The following TRA2B variants were observed in gnomAD, a reference collection of about 807,000 sequenced individuals.
TRA2B encodes the protein transformer-2 protein homolog beta.
In TRA2B, 14 loss-of-function variants were observed where a neutral mutation model predicts 41.7. That is an observed-to-expected ratio of 0.34 (90% CI 0.22 to 0.53). The LOEUF (loss-of-function observed/expected upper bound fraction) is 0.53, where lower values mean the gene tolerates loss of function less well. Among genes scored for constraint, TRA2B ranks in the 20% least tolerant of loss-of-function variants. The pLI is 0.95. For missense variants in TRA2B, 167 were observed against 396.8 expected (o/e 0.42, Z 4.92); for synonymous variants, 130 against 128.8 (o/e 1.01, Z -0.06).
chr3:185,932,861 A>T (rs2150118779), intron 1 of TRA2B, among the ~76,000 whole-genome samples: 1 of 152,272 alleles, frequency 6.6e-6, no homozygotes, highest in South Asian at 2.1e-4. Flanking sequence ...AAAAAATGTA[A>T]GGCTTTGTTT....
chr3:185,935,357 T>A (rs1378352831), intron 1 of TRA2B: 3 of 985,276 alleles, frequency 3.0e-6, no homozygotes, highest in Non-Finnish European at 3.6e-6. Context: ...GGGGAAAAAA[T>A]AAATCCCACA....
At chr3:185,934,839 G>A (rs1578488370) in intron 1 of TRA2B, 5 of 985,422 alleles carry the variant, frequency 5.1e-6, no homozygotes, top group Non-Finnish European at 6.0e-6. Context: ...TAAAGATTAC[G>A]TGCCTATGTT....
At chr3:185,935,748 G>A in intron 1 of TRA2B, 1 of 985,426 alleles carries the variant, frequency 1.0e-6, no homozygotes. Flanking sequence ...TGCTTTGGAA[G>A]CCTAGACACG....
At chr3:185,918,274 G>A (rs1743579837) in intron 8 of TRA2B, 91 bp downstream of exon 8, 1 of 999,080 alleles carries the variant, frequency 1.0e-6, no homozygotes, top group Non-Finnish European at 1.5e-6. Flanking sequence ...GAAACTACCT[G>A]AAACCAATCC....
chr3:185,937,526 C>A, intron 1 of TRA2B: 1 of 1,030,244 alleles, frequency 9.7e-7, no homozygotes, highest in East Asian at 3.8e-5. Flanking sequence ...CTCCCCTCCC[C>A]CAACACCGCG....
rs893880534 is a variant in TRA2B at position 185,917,683 on chromosome 3, C to T, written c.*32G>A. On this transcript the variant is annotated 3_prime_UTR_variant, in exon 9 of 9. Coordinates refer to ENST00000453386, the MANE Select transcript of TRA2B (RefSeq NM_004593.3). The stretch of plus-strand genomic sequence containing the variant: ...ATATTGCCCACAAACAATATCCCAG[C>T]TCTAGGGCAGGTTTCAGAAAGTCTT... The T allele has an allele frequency of 8.1e-6, 13 of 1,611,624 alleles. No individual in the cohort carries two copies. The highest frequency in any genetic ancestry group is 6.7e-5 in the African/African-American group (5 of 74,822).
chr3:185,934,548 G>C, intron 1 of TRA2B: 1 of 985,386 alleles, frequency 1.0e-6, no homozygotes, highest in African/African-American at 1.7e-5. Flanking sequence ...CGGGTTTCAA[G>C]AGACTGATAA....
intron 6 of TRA2B, 83 bp downstream of exon 6, chr3:185,921,021 A>T: frequency 8.2e-7 from 1 of 1,223,016 alleles, no homozygotes; most frequent in Non-Finnish European, 1.2e-6. Flanking sequence ...CAAAGCTTTT[A>T]ACAAAGGCTA....
chr3:185,933,249 C>A (rs1744217257), intron 1 of TRA2B, among the ~76,000 whole-genome samples: 1 of 152,124 alleles, frequency 6.6e-6, no homozygotes, highest in South Asian at 2.1e-4. Flanking sequence ...AATGTGGATA[C>A]CTTCCTGCTG....
At chr3:185,931,685 C>G in intron 1 of TRA2B, 1 of 1,292,928 alleles carries the variant, frequency 7.7e-7, no homozygotes, top group Non-Finnish European at 9.8e-7. Context: ...TTCCCCACTT[C>G]ACACAAATTG....
chr3:185,935,801 G>A, intron 1 of TRA2B: 1 of 985,236 alleles, frequency 1.0e-6, no homozygotes, highest in Non-Finnish European at 1.2e-6. Flanking sequence ...GTTCCAATTG[G>A]AACACAAACA....
intron 2 of TRA2B, 145 bp from the exon 3 acceptor site, chr3:185,925,771 TTCTC>T: frequency 1.2e-6 from 1 of 827,682 alleles, no homozygotes. Flanking sequence ...AATACTTTTC[TTCTC>T]TAATTATTTA....
At chr3:185,920,612 TG>T (rs747166885) in intron 6 of TRA2B, among the ~76,000 whole-genome samples, 19 of 152,134 alleles carry the variant, frequency 1.2e-4, no homozygotes, top group Non-Finnish European at 2.2e-4. Flanking sequence ...TGGAGTGCAG[TG>T]GTGCAATCTA....
intron 1 of TRA2B, chr3:185,937,351 T>G: frequency 1.0e-6 from 1 of 995,336 alleles, no homozygotes; most frequent in Non-Finnish European, 1.2e-6. Context: ...TCTGTCCCCT[T>G]GCACCCCACC....
At chr3:185,921,880 TGAG>T (rs1743756558) in intron 5 of TRA2B, 128 bp downstream of exon 5, 4 of 576,860 alleles carry the variant, frequency 6.9e-6, no homozygotes, top group Middle Eastern at 4.4e-4. Flanking sequence ...AATGCCCTAA[TGAG>T]GAGCATTTAA....
chr3:185,930,947 C>G (rs1056349111), intron 1 of TRA2B, among the ~76,000 whole-genome samples: 22 of 152,300 alleles, frequency 1.4e-4, no homozygotes, highest in African/African-American at 4.3e-4. Context: ...AGTCAATCAG[C>G]TGAAATAGGC....
intron 1 of TRA2B, 94 bp from the exon 2 acceptor site, chr3:185,926,828 T>C: frequency 6.8e-7 from 1 of 1,460,176 alleles, no homozygotes; most frequent in South Asian, 1.2e-5. Context: ...GGGACAGCAA[T>C]CCCCTTCCAA....
chr3:185,925,775 C>T, intron 2 of TRA2B, 149 bp from the exon 3 acceptor site: 1 of 812,088 alleles, frequency 1.2e-6, no homozygotes, highest in Non-Finnish European at 1.7e-6. Context: ...CTTTTCTTCT[C>T]TAATTATTTA....
chr3:185,925,757 G>T, intron 2 of TRA2B, 131 bp from the exon 3 acceptor site: 1 of 898,092 alleles, frequency 1.1e-6, no homozygotes, highest in Non-Finnish European at 1.5e-6. Context: ...AATTTAGTAG[G>T]ATCAATACTT....
Sources: gnomAD v4.1 joint callset for allele counts (sites outside exome capture counted in the v4.1 genomes callset) on GRCh38, gnomAD v4.1.1 for gene constraint, MANE v1.5 for transcripts, NCBI Gene and HGNC (gene_info 2026-07-23, HGNC 2026-07-21) for gene names.